Variants in ULK4 observed in about 807,000 individuals in gnomAD.
ULK4 encodes the protein unc-51 like kinase 4.
A neutral mutation model predicts 160.6 loss-of-function variants in ULK4; 133 were observed. The observed-to-expected ratio is 0.83, with a 90% CI of 0.72 to 0.96. The LOEUF is 0.96. ULK4 is among the 40% of genes least tolerant of loss of function. The pLI is 0.00. For missense variants in ULK4, 1,580 were observed against 1,499.5 expected, an observed-to-expected ratio of 1.05 and a Z score of -0.89; for synonymous variants, 534 against 539.8, an observed-to-expected ratio of 0.99 and a Z score of 0.15.
chr3:41,613,215 T>C (rs964321354), intron 31 of ULK4, among the ~76,000 whole-genome samples: 2 of 152,080 alleles, frequency 1.3e-5, no homozygotes, highest in Non-Finnish European at 2.9e-5. Context: ...AAACCTGAAA[T>C]CTATCAGCTC....
intron 19 of ULK4, among the ~76,000 whole-genome samples, chr3:41,816,093 C>G (rs1336551863): frequency 4.0e-5 from 6 of 151,868 alleles, no homozygotes; most frequent in Non-Finnish European, 2.9e-5. Context: ...TGTATACACA[C>G]ATACAGACAC....
intron 12 of ULK4, among the ~76,000 whole-genome samples, chr3:41,904,016 C>T: frequency 6.9e-6 from 1 of 144,502 alleles, no homozygotes; most frequent in East Asian, 2.1e-4. Context: ...AAAAAGTAAT[C>T]AGTGTTTACC....
At chr3:41,312,816 A>C (rs1365703371) in intron 35 of ULK4, among the ~76,000 whole-genome samples, 1 of 152,084 alleles carries the variant, frequency 6.6e-6, no homozygotes, top group Non-Finnish European at 1.5e-5. Flanking sequence ...TCAAAAACAA[A>C]AACAAAAACT....
At chr3:41,308,398 G>A (rs2125717754) in intron 35 of ULK4, among the ~76,000 whole-genome samples, 1 of 151,322 alleles carries the variant, frequency 6.6e-6, no homozygotes, top group African/African-American at 2.4e-5. Flanking sequence ...CAAACACAAG[G>A]GACTTCATGT....
intron 32 of ULK4, among the ~76,000 whole-genome samples, chr3:41,496,421 A>G (rs1033913873): frequency 2.6e-5 from 4 of 152,076 alleles, no homozygotes; most frequent in African/African-American, 7.2e-5. Flanking sequence ...AACACATACA[A>G]TGAATGAGCC....
chr3:41,733,621 T>A (rs1257093894), intron 22 of ULK4, among the ~76,000 whole-genome samples: 1 of 151,968 alleles, frequency 6.6e-6, no homozygotes, highest in East Asian at 1.9e-4. Flanking sequence ...TTTAAAAGTT[T>A]ATATAATTAC....
intron 17 of ULK4, among the ~76,000 whole-genome samples, chr3:41,866,359 G>A (rs79644581): frequency 0.068 from 10,304 of 152,248 alleles, 684 homozygotes; most frequent in East Asian, 0.16. Context: ...TTTTGGAACT[G>A]GAGATCAGTT....
intron 30 of ULK4, among the ~76,000 whole-genome samples, chr3:41,646,465 T>A (rs1392906378): frequency 6.6e-6 from 1 of 152,224 alleles, no homozygotes; most frequent in African/African-American, 2.4e-5. Flanking sequence ...TTAGTTTGGC[T>A]GGATATGAGA....
intron 17 of ULK4, among the ~76,000 whole-genome samples, chr3:41,875,668 T>C (rs1697270167): frequency 6.6e-6 from 1 of 151,924 alleles, no homozygotes; most frequent in African/African-American, 2.4e-5. Flanking sequence ...GAAAATGCAA[T>C]GGCAATTAAT....
intron 35 of ULK4, among the ~76,000 whole-genome samples, chr3:41,368,544 C>T (rs1041118411): frequency 6.6e-6 from 1 of 152,192 alleles, no homozygotes; most frequent in African/African-American, 2.4e-5. Context: ...TCTATAGCCT[C>T]CAGCAACCAC....
intron 19 of ULK4, among the ~76,000 whole-genome samples, chr3:41,819,096 C>T (rs899596587): frequency 3.3e-5 from 5 of 152,160 alleles, no homozygotes; most frequent in African/African-American, 1.2e-4. Context: ...ATACACCTTG[C>T]TTACTAAACT....
At chr3:41,287,765 T>G (rs1388397034) in intron 35 of ULK4, among the ~76,000 whole-genome samples, 5 of 152,186 alleles carry the variant, frequency 3.3e-5, no homozygotes, top group African/African-American at 9.7e-5. Context: ...TAGCATGATA[T>G]TAACATTTGC....
intron 35 of ULK4, among the ~76,000 whole-genome samples, chr3:41,287,545 G>C (rs1046976661): frequency 1.3e-5 from 2 of 152,192 alleles, no homozygotes; most frequent in Non-Finnish European, 2.9e-5. Context: ...AAATTTGGTC[G>C]TGTAACTTTG....
intron 33 of ULK4, among the ~76,000 whole-genome samples, chr3:41,456,680 A>AT: frequency 6.6e-6 from 1 of 152,266 alleles, no homozygotes; most frequent in East Asian, 1.9e-4. Flanking sequence ...TCCATTTGCT[A>AT]TAATATGTAG....
intron 18 of ULK4, among the ~76,000 whole-genome samples, chr3:41,831,229 T>G (rs184803156): frequency 2.1e-3 from 323 of 152,028 alleles, no homozygotes; most frequent in African/African-American, 7.6e-3. Context: ...TTTCACCATG[T>G]TGACCAGGGC....
intron 30 of ULK4, among the ~76,000 whole-genome samples, chr3:41,615,992 A>G (rs1029377067): frequency 5.9e-5 from 9 of 152,232 alleles, no homozygotes; most frequent in Non-Finnish European, 1.3e-4. Context: ...TAAAATTCAC[A>G]ATTATTATAA....
At chr3:41,534,284 G>T (rs189104998) in intron 32 of ULK4, among the ~76,000 whole-genome samples, 1 of 152,070 alleles carries the variant, frequency 6.6e-6, no homozygotes, top group Non-Finnish European at 1.5e-5. Flanking sequence ...CTTCTTTGGC[G>T]GTGCCACAGT....
chr3:41,558,151 A>ATT (rs2087375201), intron 32 of ULK4, among the ~76,000 whole-genome samples: 3 of 152,200 alleles, frequency 2.0e-5, no homozygotes, highest in Admixed American at 2.0e-4. Flanking sequence ...GTGAAAGGAT[A>ATT]CATGTATAAA....
chr3:41,683,812 GA>G (rs888486238), intron 27 of ULK4, among the ~76,000 whole-genome samples: 1 of 151,970 alleles, frequency 6.6e-6, no homozygotes, highest in Non-Finnish European at 1.5e-5. Flanking sequence ...TCTGGCACTG[GA>G]ATCTGTAATA....
Sources: gnomAD v4.1 joint callset for allele counts (sites outside exome capture counted in the v4.1 genomes callset) on GRCh38, gnomAD v4.1.1 for gene constraint, MANE v1.5 for transcripts, NCBI Gene and HGNC (gene_info 2026-07-23, HGNC 2026-07-21) for gene names.